The following ELAPOR2 variants were observed in gnomAD, a reference collection of about 807,000 sequenced individuals.
The protein encoded by ELAPOR2 is endosome-lysosome associated apoptosis and autophagy regulator family member 2.
ELAPOR2 carries 89 observed loss-of-function variants against 120.7 expected under a neutral mutation model. The ratio of observed to expected loss-of-function variants is 0.74; its 90% CI spans 0.62 to 0.88. The LOEUF (loss-of-function observed/expected upper bound fraction) is 0.88, where lower values mean the gene tolerates loss of function less well. Among genes scored for constraint, ELAPOR2 ranks in the 40% least tolerant of loss-of-function variants. The pLI, the probability that ELAPOR2 is intolerant of heterozygous loss-of-function variation, is 0.00. For synonymous variants in ELAPOR2, 444 were observed against 444.9 expected, an observed-to-expected ratio of 1.00 and a Z score of 0.03; for missense variants, 1,134 against 1,251.6, an observed-to-expected ratio of 0.91 and a Z score of 1.42.
At chr7:86,914,106 G>A (rs370715806) in intron 13 of ELAPOR2, among the ~76,000 whole-genome samples, 2 of 152,154 alleles carry the variant, frequency 1.3e-5, no homozygotes, top group Non-Finnish European at 2.9e-5. Context: ...TGAACAAGTG[G>A]TTTATCTTGT....
chr7:87,016,173 A>G (rs1793860535), intron 1 of ELAPOR2, among the ~76,000 whole-genome samples: 1 of 152,142 alleles, frequency 6.6e-6, no homozygotes, highest in African/African-American at 2.4e-5. Context: ...TTTATAAATG[A>G]AACTGTTCTG....
At chr7:86,987,164 T>C (rs1332435703) in intron 1 of ELAPOR2, among the ~76,000 whole-genome samples, 1 of 152,150 alleles carries the variant, frequency 6.6e-6, no homozygotes, top group African/African-American at 2.4e-5. Flanking sequence ...TGAAACTGGA[T>C]CCCTTCCTTA....
chr7:86,903,337 T>C (rs1265874378), intron 18 of ELAPOR2, among the ~76,000 whole-genome samples: 2 of 152,252 alleles, frequency 1.3e-5, no homozygotes. Flanking sequence ...ATATGCCTTT[T>C]TACTTTTTAA....
Position 86,926,793 on chromosome 7 carries a change from T to C in ELAPOR2, c.1213A>G (p.Asn405Asp). 1 of 1,612,088 alleles carries C rather than the reference T, an allele frequency of 6.2e-7. No individual in the cohort carries two copies. The highest frequency in any genetic ancestry group is 8.5e-7 in the Non-Finnish European group (1 of 1,178,932). Reference sequence around the variant, plus strand: ...CAGGGATGGCAAGAAGATGATCCATTGTTATAAAATCCAGGGTTGCAAGGC... The same window carrying C: ...CAGGGATGGCAAGAAGATGATCCATCGTTATAAAATCCAGGGTTGCAAGGC... ...CPPCNPGFYN[N>D]GSSSCHPCPP... The change falls in exon 9 of 22, where the codon AAT becomes GAT. Residue 405 changes from asparagine to aspartate, a missense_variant. Coordinates refer to ENST00000450689, the MANE Select transcript of ELAPOR2 (RefSeq NM_001142749.3).
rs139600648 is a variant in ELAPOR2, at chr7:87,032,303, C to T, written c.189+27022G>A. ...TTATGAATGATGAATGAACTAATAA[C>T]AAATGATTGCTATTAAGTGGGCTAA... On this transcript the variant is annotated intron_variant, in intron 1 of 21. Transcript: ENST00000450689. Among the ~76,000 whole-genome samples, 410 of 152,132 alleles carry T rather than the reference C, an allele frequency of 2.7e-3. 1 individual carries two copies. The highest frequency in any genetic ancestry group is 9.5e-3 in the African/African-American group (395 of 41,520).
chr7:87,051,731 T>C (rs1795107743), intron 1 of ELAPOR2, among the ~76,000 whole-genome samples: 1 of 152,210 alleles, frequency 6.6e-6, no homozygotes, highest in Admixed American at 6.5e-5. Flanking sequence ...TGGACCAAAA[T>C]GTAAACATCA....
chr7:87,010,900 T>C (rs1793633727), intron 1 of ELAPOR2, among the ~76,000 whole-genome samples: 1 of 152,018 alleles, frequency 6.6e-6, no homozygotes, highest in African/African-American at 2.4e-5. Flanking sequence ...ATGAGTAAAA[T>C]GTTACTTTTA....
intron 1 of ELAPOR2, among the ~76,000 whole-genome samples, chr7:87,033,476 A>G (rs1794481511): frequency 6.6e-6 from 1 of 152,232 alleles, no homozygotes; most frequent in African/African-American, 2.4e-5. Context: ...TGGCAGAAAA[A>G]TGTCATGGAA....
intron 21 of ELAPOR2, among the ~76,000 whole-genome samples, chr7:86,884,872 G>A (rs1005088873): frequency 6.6e-5 from 10 of 152,158 alleles, no homozygotes; most frequent in African/African-American, 2.4e-4. Flanking sequence ...AATCTATCAT[G>A]CAAATTTTAG....
intron 1 of ELAPOR2, among the ~76,000 whole-genome samples, chr7:87,021,075 G>A (rs1794024243): frequency 1.3e-5 from 2 of 152,102 alleles, no homozygotes; most frequent in South Asian, 2.1e-4. Context: ...CTACTTTACA[G>A]ATTAGAACAA....
intron 1 of ELAPOR2, among the ~76,000 whole-genome samples, chr7:87,035,853 C>T (rs1237105924): frequency 6.6e-6 from 1 of 152,178 alleles, no homozygotes; most frequent in Non-Finnish European, 1.5e-5. Flanking sequence ...TGTTGGATTG[C>T]CCATTATTCT....
chr7:86,978,344 AT>A (rs1428326239), intron 1 of ELAPOR2, among the ~76,000 whole-genome samples: 1 of 152,222 alleles, frequency 6.6e-6, no homozygotes, highest in Non-Finnish European at 1.5e-5. Flanking sequence ...TCATAGCAAT[AT>A]GAGAACAGAC....
chr7:87,035,778 C>T (rs1173706351), intron 1 of ELAPOR2, among the ~76,000 whole-genome samples: 1 of 152,172 alleles, frequency 6.6e-6, no homozygotes, highest in Non-Finnish European at 1.5e-5. Flanking sequence ...TAAAATTTTC[C>T]CATTCTATGC....
rs886384328 is a variant in ELAPOR2, at chr7:86,919,398, G to A, written c.1400-88C>T. 16 of 741,640 alleles carry A rather than the reference G, an allele frequency of 2.2e-5. No homozygotes were observed. In the South Asian group the frequency reaches 3.9e-4, roughly 18 times the overall value. 45.9% of individuals were successfully genotyped at this position (741,640 alleles called of 1,614,324 possible). On this transcript the variant is annotated intron_variant, in intron 10 of 21. Coordinates refer to ENST00000450689, the MANE Select transcript of ELAPOR2 (RefSeq NM_001142749.3). ...TTAAATAAGGTAAAAATAAAAAGAA[G>A]CATTAGTGTTTCTGTTCAAAGTTAG...
At chr7:86,914,590 AC>A in intron 13 of ELAPOR2, 132 bp downstream of exon 13, 1 of 637,566 alleles carries the variant, frequency 1.6e-6, no homozygotes, top group Non-Finnish European at 2.5e-6. Flanking sequence ...TGAATCTATA[AC>A]CAGATTATTC....
At chr7:87,029,871 T>C (rs1468397745) in intron 1 of ELAPOR2, among the ~76,000 whole-genome samples, 1 of 151,912 alleles carries the variant, frequency 6.6e-6, no homozygotes. Context: ...GACATAACAA[T>C]GAGTGACACA....
intron 1 of ELAPOR2, among the ~76,000 whole-genome samples, chr7:86,994,552 T>C (rs925868764): frequency 2.0e-5 from 3 of 152,208 alleles, no homozygotes; most frequent in Admixed American, 6.5e-5. Flanking sequence ...TAAAATATTA[T>C]GAAGTTTTCA....
intron 15 of ELAPOR2, among the ~76,000 whole-genome samples, chr7:86,911,065 TAGA>T (rs1228295676): frequency 6.6e-6 from 1 of 151,776 alleles, no homozygotes; most frequent in African/African-American, 2.4e-5. Context: ...AGGAAAGAGA[TAGA>T]AGCTAGAGGT....
intron 1 of ELAPOR2, among the ~76,000 whole-genome samples, chr7:87,026,387 C>CT (rs943698361): frequency 1.1e-4 from 17 of 151,496 alleles, no homozygotes; most frequent in Admixed American, 4.0e-4. Flanking sequence ...TGTTGAATCA[C>CT]TTTTTTCATG....
Sources: gnomAD v4.1 joint callset for allele counts (sites outside exome capture counted in the v4.1 genomes callset) on GRCh38, gnomAD v4.1.1 for gene constraint, MANE v1.5 for transcripts, NCBI Gene and HGNC (gene_info 2026-07-23, HGNC 2026-07-21) for gene names.